The following STAG1 variants were observed in gnomAD, a reference collection of about 807,000 sequenced individuals.
The protein encoded by STAG1 is cohesin subunit SA-1.
In STAG1, 26 loss-of-function variants were observed where a neutral mutation model predicts 170.9. The ratio of observed to expected loss-of-function variants is 0.15; its 90% CI spans 0.11 to 0.21. STAG1 has a LOEUF of 0.21. Among genes scored for constraint, STAG1 ranks in the 10% least tolerant of loss-of-function variants. The pLI is 1.00. For missense variants in STAG1, 964 were observed against 1,509.5 expected, an observed-to-expected ratio of 0.64 and a Z score of 5.99; for synonymous variants, 514 against 497.7, an observed-to-expected ratio of 1.03 and a Z score of -0.44.
At chr3:136,574,736 T>C (rs1486988552) in intron 4 of STAG1, among the ~76,000 whole-genome samples, 1 of 152,220 alleles carries the variant, frequency 6.6e-6, no homozygotes, top group African/African-American at 2.4e-5. Context: ...CTGAAATTTT[T>C]AACACACATC....
intron 2 of STAG1, among the ~76,000 whole-genome samples, chr3:136,625,433 T>A (rs990714302): frequency 8.5e-5 from 13 of 152,246 alleles, no homozygotes; most frequent in Non-Finnish European, 1.5e-4. Context: ...ATGACATACT[T>A]ACTTGAATGC....
At chr3:136,387,177 ATTT>A (rs900576262) in intron 22 of STAG1, among the ~76,000 whole-genome samples, 12 of 152,254 alleles carry the variant, frequency 7.9e-5, no homozygotes, top group African/African-American at 2.7e-4. Context: ...GATAGTAAAT[ATTT>A]TAGGCTTTGC....
chr3:136,344,038 C>A (rs749584114), intron 29 of STAG1, 32 bp from the exon 30 acceptor site: 16 of 1,506,014 alleles, frequency 1.1e-5, no homozygotes, highest in Non-Finnish European at 1.2e-5. Flanking sequence ...CACACAATGT[C>A]GTGGGTGGAG....
intron 21 of STAG1, among the ~76,000 whole-genome samples, chr3:136,412,205 T>A (rs1189353299): frequency 6.6e-6 from 1 of 152,222 alleles, no homozygotes; most frequent in African/African-American, 2.4e-5. Context: ...CAATTTTTTT[T>A]AAAAGGAATT....
intron 20 of STAG1, among the ~76,000 whole-genome samples, chr3:136,418,356 T>A (rs1369303520): frequency 2.1e-5 from 1 of 47,838 alleles, no homozygotes; most frequent in African/African-American, 1.2e-4. Flanking sequence ...CAAGACTCTG[T>A]CTCCAAAAAA....
rs896171569 is a variant in STAG1 at position 136,423,381 on chromosome 3, A to G, written c.1651-337T>C. ...TCAGTGTGTTAACAGTGATCTTCCT[A>G]TGTTAAATATACACACACTTTTTAA... On this transcript the variant is annotated intron_variant, in intron 16 of 33. Coordinates refer to ENST00000383202, the MANE Select transcript of STAG1 (RefSeq NM_005862.3). 2.0e-5 allele frequency among the ~76,000 whole-genome samples: 3 copies of G among 152,320 alleles called. No individual in the cohort carries two copies. The South Asian group carries it at 6.2e-4, about 32-fold the overall frequency.
chr3:136,425,142 A>G (rs1323811825), intron 16 of STAG1, among the ~76,000 whole-genome samples: 1 of 152,028 alleles, frequency 6.6e-6, no homozygotes, highest in Non-Finnish European at 1.5e-5. Context: ...CCAGCTGATT[A>G]TTCATTATTT....
At chr3:136,375,228 A>G (rs749272198) in intron 23 of STAG1, among the ~76,000 whole-genome samples, 4 of 152,212 alleles carry the variant, frequency 2.6e-5, no homozygotes, top group Admixed American at 6.5e-5. Flanking sequence ...TAAAGCCTCC[A>G]AACAAATTTA....
chr3:136,562,201 T>G (rs186311025), intron 5 of STAG1, among the ~76,000 whole-genome samples: 94 of 152,280 alleles, frequency 6.2e-4, no homozygotes, highest in African/African-American at 2.2e-3. Context: ...TCTAAGATCA[T>G]GCACTGCAGC....
Position 136,604,408 on chromosome 3 carries a change from T to C in STAG1, c.198A>G (p.Gly66=). Residue 66 remains glycine (G), a synonymous_variant, in exon 4 of 34, where the codon GGA becomes GGG. Coordinates refer to ENST00000383202, the MANE Select transcript of STAG1 (RefSeq NM_005862.3). ...GTCCATTAGCTCTTCCACGGCCTGC[T>C]CCTCTAATTCCAGCTTCAATTCTGC... ...EKSRIEAGIR[G]AGRGRANGHP... 3 of 1,613,924 alleles carry C rather than the reference T, an allele frequency of 1.9e-6. No homozygotes were observed. Among genetic ancestry groups the C allele is most frequent in the Non-Finnish European group, 2.5e-6 (3 of 1,179,906 alleles).
At chr3:136,609,859 G>A (rs1939177478) in intron 3 of STAG1, among the ~76,000 whole-genome samples, 1 of 152,040 alleles carries the variant, frequency 6.6e-6, no homozygotes, top group African/African-American at 2.4e-5. Flanking sequence ...GGCTTTGACT[G>A]TGTTGGGTGT....
chr3:136,381,203 T>C (rs1312603536), intron 22 of STAG1, among the ~76,000 whole-genome samples: 1 of 152,074 alleles, frequency 6.6e-6, no homozygotes, highest in East Asian at 1.9e-4. Context: ...TTTGGGAGTC[T>C]TCAGCATTTA....
At chr3:136,343,395 G>GT (rs1388407496) in intron 30 of STAG1, among the ~76,000 whole-genome samples, 1 of 152,212 alleles carries the variant, frequency 6.6e-6, no homozygotes, top group African/African-American at 2.4e-5. Context: ...TCCATGAGAA[G>GT]TTTGAGTTTA....
intron 22 of STAG1, among the ~76,000 whole-genome samples, chr3:136,384,160 A>G (rs1028780133): frequency 2.0e-5 from 3 of 151,926 alleles, no homozygotes; most frequent in African/African-American, 4.8e-5. Context: ...TTATGAAAGT[A>G]AGAAATTTGG....
chr3:136,609,626 A>G (rs1235820055), intron 3 of STAG1: 1 of 158,042 alleles, frequency 6.3e-6, no homozygotes, highest in Admixed American at 6.5e-5. Context: ...TACTATTATC[A>G]GTGGTCCTTC....
chr3:136,741,841 G>A (rs1934687670), intron 1 of STAG1, among the ~76,000 whole-genome samples: 1 of 151,956 alleles, frequency 6.6e-6, no homozygotes, highest in Non-Finnish European at 1.5e-5. Flanking sequence ...AAGAGTTTTG[G>A]GTAAATAGGT....
Position 136,641,675 on chromosome 3 carries a change from C to A in STAG1, c.-83-10694G>T, listed in dbSNP as rs535867332. ...GAACTGTCCCTGATTACAGGAGAGG[C>A]ATAAAAACTAAACTCGTGTGATCAC... On this transcript the variant is annotated intron_variant, in intron 1 of 33. Coordinates refer to ENST00000383202, the MANE Select transcript of STAG1 (RefSeq NM_005862.3). 3.0e-4 allele frequency among the ~76,000 whole-genome samples: 46 copies of A among 152,270 alleles called. No individual in the cohort carries two copies. In the South Asian group the frequency reaches 3.1e-3, roughly 10 times the overall value.
Position 136,500,273 on chromosome 3 carries a change from G to A in STAG1, c.852C>T (p.Ile284=), listed in dbSNP as rs779336188. 4 of 1,584,884 alleles carry A rather than the reference G, an allele frequency of 2.5e-6. No homozygotes were observed. Among genetic ancestry groups the A allele is most frequent in the South Asian group, 2.3e-5 (2 of 88,260 alleles). ...TAAAAATAGAGTTCATCATATTTTC[G>A]ATTTCATCCTGATTTTCTTGCAGCT... is the stretch of plus-strand genomic sequence containing the variant. ...RKELQENQDE[I]ENMMNSIFKG... Residue 284 remains isoleucine, a synonymous_variant, in exon 9 of 34, where the codon ATC becomes ATT. Coordinates refer to ENST00000383202, the MANE Select transcript of STAG1 (RefSeq NM_005862.3).
At chr3:136,419,285 A>G (rs2087876007) in intron 20 of STAG1, among the ~76,000 whole-genome samples, 1 of 152,174 alleles carries the variant, frequency 6.6e-6, no homozygotes, top group Admixed American at 6.5e-5. Flanking sequence ...TAGATTTTGG[A>G]AACTGCTTTT....
Sources: allele counts gnomAD v4.1 joint callset (sites outside exome capture counted in the v4.1 genomes callset), GRCh38; gene constraint gnomAD v4.1.1; transcripts MANE v1.5; gene names NCBI Gene and HGNC (gene_info 2026-07-23, HGNC 2026-07-21).